The following FAR1 variants were observed in gnomAD, a reference collection of about 807,000 sequenced individuals.
The protein encoded by FAR1 is male sterility domain-containing protein 2.
A neutral mutation model predicts 61.1 loss-of-function variants in FAR1; 22 were observed. The ratio of observed to expected loss-of-function variants is 0.36; its 90% CI spans 0.26 to 0.51. FAR1 has a LOEUF of 0.51. FAR1 is among the 20% of genes least tolerant of loss of function. The pLI is 0.95. For synonymous variants in FAR1, 206 were observed against 209.7 expected, an observed-to-expected ratio of 0.98 and a Z score of 0.15; for missense variants, 359 against 626.9, an observed-to-expected ratio of 0.57 and a Z score of 4.56.
intron 1 of FAR1, chr11:13,685,671 C>T (rs1447071834): frequency 1.7e-5 from 3 of 172,316 alleles, no homozygotes; most frequent in East Asian, 3.1e-4. Context: ...GAAGCCAAGT[C>T]GAGCACACAC....
chr11:13,699,388 T>C (rs1848344541), intron 2 of FAR1, among the ~76,000 whole-genome samples: 1 of 152,248 alleles, frequency 6.6e-6, no homozygotes, highest in Admixed American at 6.5e-5. Context: ...TCAAGTCATG[T>C]GCTAGCAGTG....
At chr11:13,698,203 TCTCC>T (rs1267888323) in intron 2 of FAR1, among the ~76,000 whole-genome samples, 2 of 152,194 alleles carry the variant, frequency 1.3e-5, no homozygotes, top group Non-Finnish European at 2.9e-5. Flanking sequence ...TACTTCTTTC[TCTCC>T]CTGAGTTCAT....
chr11:13,704,008 C>T (rs1848406250), intron 3 of FAR1, among the ~76,000 whole-genome samples: 1 of 144,940 alleles, frequency 6.9e-6, no homozygotes, highest in Non-Finnish European at 1.5e-5. Flanking sequence ...CATGCCATTG[C>T]ACTCCAGCCT....
intron 9 of FAR1, among the ~76,000 whole-genome samples, chr11:13,715,231 T>A (rs1848542975): frequency 6.6e-6 from 1 of 152,166 alleles, no homozygotes; most frequent in South Asian, 2.1e-4. Flanking sequence ...TAGCATGAGC[T>A]TTACCTTTAG....
At chr11:13,679,367 A>T (rs1848101095) in intron 1 of FAR1, among the ~76,000 whole-genome samples, 1 of 152,188 alleles carries the variant, frequency 6.6e-6, no homozygotes, top group Non-Finnish European at 1.5e-5. Context: ...ATTTAAAAAA[A>T]CTGTTTTCTT....
chr11:13,701,479 T>C (rs1848374114), intron 3 of FAR1, among the ~76,000 whole-genome samples: 1 of 152,022 alleles, frequency 6.6e-6, no homozygotes, highest in Non-Finnish European at 1.5e-5. Context: ...GGTGGGAGGA[T>C]CACTTGAAGC....
intron 11 of FAR1, 85 bp downstream of exon 11, chr11:13,727,768 A>T: frequency 1.6e-6 from 2 of 1,246,976 alleles, no homozygotes; most frequent in Non-Finnish European, 2.2e-6. Context: ...TATATTTGCT[A>T]TATCTGTCAT....
chr11:13,701,022 G>C (rs1591263729), intron 3 of FAR1, among the ~76,000 whole-genome samples: 1 of 151,960 alleles, frequency 6.6e-6, no homozygotes, highest in Non-Finnish European at 1.5e-5. Context: ...CAAGATTCCT[G>C]TTGCAAGAAA....
At chr11:13,684,935 G>A (rs950017257) in intron 1 of FAR1, among the ~76,000 whole-genome samples, 2 of 152,158 alleles carry the variant, frequency 1.3e-5, no homozygotes, top group African/African-American at 4.8e-5. Flanking sequence ...AAGCAAGACC[G>A]CAAATCTTCT....
At chr11:13,724,370 A>AC (rs1156240382) in intron 10 of FAR1, among the ~76,000 whole-genome samples, 1 of 151,000 alleles carries the variant, frequency 6.6e-6, no homozygotes, top group Non-Finnish European at 1.5e-5. Flanking sequence ...ACAAAGTGAG[A>AC]CCCTCTCTCT....
intron 2 of FAR1, among the ~76,000 whole-genome samples, chr11:13,697,339 G>C (rs1848318555): frequency 6.6e-6 from 1 of 152,090 alleles, no homozygotes; most frequent in East Asian, 1.9e-4. Flanking sequence ...GTGCATGCCT[G>C]TGGTCCCAGC....
At chr11:13,718,559 T>G (rs1319439653) in intron 9 of FAR1, among the ~76,000 whole-genome samples, 4 of 152,218 alleles carry the variant, frequency 2.6e-5, no homozygotes, top group Non-Finnish European at 5.9e-5. Context: ...GTTTACCACT[T>G]GACCCTGAAG....
chr11:13,669,135 G>C (rs1239675278), intron 1 of FAR1, among the ~76,000 whole-genome samples: 4 of 152,140 alleles, frequency 2.6e-5, no homozygotes, highest in Admixed American at 2.0e-4. Context: ...GGGCGGGGTG[G>C]TTAGCCGAGC....
intron 9 of FAR1, among the ~76,000 whole-genome samples, chr11:13,716,170 G>T (rs1247669321): frequency 2.6e-5 from 4 of 151,806 alleles, no homozygotes; most frequent in African/African-American, 7.3e-5. Context: ...TATTAATAAG[G>T]TTGTTATAAT....
At chr11:13,718,543 G>T (rs1848577574) in intron 9 of FAR1, among the ~76,000 whole-genome samples, 1 of 152,146 alleles carries the variant, frequency 6.6e-6, no homozygotes, top group South Asian at 2.1e-4. Context: ...AGGCCTTAGA[G>T]ATTTTGTTTA....
chr11:13,690,893 G>C (rs1212750614), intron 1 of FAR1, among the ~76,000 whole-genome samples: 1 of 152,156 alleles, frequency 6.6e-6, no homozygotes, highest in Non-Finnish European at 1.5e-5. Context: ...TCAGTATTTA[G>C]TAGGTTTTAG....
chr11:13,729,604 A>AT lies in FAR1; in HGVS notation c.*833dup, dbSNP rs906451431. On this transcript the variant is annotated 3_prime_UTR_variant, in exon 12 of 12. Transcript: ENST00000354817. Reference sequence around the variant, plus strand: ...ATTGTTTATGTTTTGAAGCAGGAGGATTTCTTGAGATTTGATGGAAGTGGG... The same window carrying AT: ...ATTGTTTATGTTTTGAAGCAGGAGGATTTTCTTGAGATTTGATGGAAGTGGG... 2 of 151,936 alleles carry AT rather than the reference A, an allele frequency of 1.3e-5. No homozygotes were observed. Among genetic ancestry groups the AT allele is most frequent in the Non-Finnish European group, 2.9e-5 (2 of 67,844 alleles). 9.4% of individuals were successfully genotyped at this position (151,936 alleles called of 1,614,324 possible).
Position 13,721,919 on chromosome 11 carries a change from T to C in FAR1, c.1257+60T>C, listed in dbSNP as rs1848613534. On this transcript the variant is annotated intron_variant, in intron 10 of 11. Coordinates refer to ENST00000354817, the MANE Select transcript of FAR1 (RefSeq NM_032228.6). The surrounding 1 kb of genome is among the most constrained non-coding windows in gnomAD (Gnocchi z 4.2). ...AAGTAGCATACTAATTACAGAACTA[T>C]TAGCAACCTGAGAAATATTTTCCAC... 2.2e-6 allele frequency: 3 copies of C among 1,372,220 alleles called. No individual in the cohort carries two copies. Among genetic ancestry groups the C allele is most frequent in the Non-Finnish European group, 3.0e-6 (3 of 1,005,408 alleles). The allele number at this position is 1,372,220 out of a possible 1,614,324, so 85.0% of individuals were successfully genotyped here.
At chr11:13,697,318 C>T (rs1409831197) in intron 2 of FAR1, among the ~76,000 whole-genome samples, 2 of 151,762 alleles carry the variant, frequency 1.3e-5, no homozygotes, top group Admixed American at 6.6e-5. Flanking sequence ...AAAAATTAGC[C>T]GGGCGTGGTG....
Sources: allele counts gnomAD v4.1 joint callset (sites outside exome capture counted in the v4.1 genomes callset), GRCh38; gene constraint gnomAD v4.1.1; non-coding constraint Gnocchi (gnomAD v3.1); transcripts MANE v1.5; gene names NCBI Gene and HGNC (gene_info 2026-07-23, HGNC 2026-07-21).